Variants in SLC16A2 observed in about 807,000 individuals in gnomAD.
The protein encoded by SLC16A2 is solute carrier family 16 member 2.
Under a neutral mutation model 27.2 loss-of-function variants are expected in SLC16A2, and 3 were observed. That is an observed-to-expected ratio of 0.11 (90% confidence interval 0.05 to 0.28). The LOEUF (loss-of-function observed/expected upper bound fraction) is 0.28, where lower values mean the gene tolerates loss of function less well. Ranked by LOEUF, SLC16A2 falls within the 10% of genes least tolerant of loss-of-function variation. The probability of loss-of-function intolerance (pLI) is 1.00; values close to 1 mark genes in which losing one functional copy is unlikely to be tolerated. For missense variants in SLC16A2, 295 were observed against 458.5 expected (o/e 0.64, Z 3.26); for synonymous variants, 202 against 187.8 (o/e 1.08, Z -0.62).
chrX:74,529,444 G>A lies in SLC16A2; in HGVS notation c.1399+3G>A. 8.7e-7 allele frequency: 1 copy of A among 1,153,186 alleles called. No homozygotes were observed. Among genetic ancestry groups the A allele is most frequent in the Non-Finnish European group, 1.2e-6 (1 of 858,399 alleles). ...GATTGCTGGGCCCCCCATTGCAGGTGAGGCTGATATTCCAGGGAGGGCATG... is the reference window on the plus strand; with the variant it reads ...GATTGCTGGGCCCCCCATTGCAGGTAAGGCTGATATTCCAGGGAGGGCATG... On this transcript the variant is annotated splice_donor_region_variant and intron_variant, in intron 5 of 5. Coordinates refer to ENST00000587091, the MANE Select transcript of SLC16A2 (RefSeq NM_006517.5).
intron 1 of SLC16A2, among the ~76,000 whole-genome samples, chrX:74,500,512 A>T (rs1244203529): frequency 9.0e-6 from 1 of 111,365 alleles, no homozygotes; most frequent in Non-Finnish European, 1.9e-5. Context: ...CAAGCAGTAT[A>T]CACTGCACCA....
intron 1 of SLC16A2, among the ~76,000 whole-genome samples, chrX:74,478,472 G>C (rs1367974369): frequency 8.9e-6 from 1 of 111,801 alleles, no homozygotes; most frequent in African/African-American, 3.3e-5. Context: ...GGAGCATTTA[G>C]CCCATTTGCA....
intron 1 of SLC16A2, among the ~76,000 whole-genome samples, chrX:74,499,800 A>G (rs1419264407): frequency 2.7e-5 from 3 of 111,506 alleles, no homozygotes; most frequent in African/African-American, 6.5e-5. Flanking sequence ...TACTGGTATT[A>G]TCCAAAAAAC....
At chrX:74,506,684 C>G (rs747573127) in intron 1 of SLC16A2, among the ~76,000 whole-genome samples, 1 of 110,161 alleles carries the variant, frequency 9.1e-6, no homozygotes, top group African/African-American at 3.3e-5. Flanking sequence ...TCCCATGGAG[C>G]CCCAGGGGAG....
intron 1 of SLC16A2, among the ~76,000 whole-genome samples, chrX:74,462,666 C>A (rs901826606): frequency 9.0e-6 from 1 of 111,681 alleles, no homozygotes; most frequent in Non-Finnish European, 1.9e-5. Context: ...ACTGAGCCTT[C>A]TATGGATCTT....
At chrX:74,467,365 AGGT>A (rs1929271523) in intron 1 of SLC16A2, among the ~76,000 whole-genome samples, 3 of 111,496 alleles carry the variant, frequency 2.7e-5, no homozygotes, top group African/African-American at 9.8e-5. Context: ...AGAATATCCC[AGGT>A]TAGTATGTGC....
rs1239008406 is a variant in SLC16A2 at position 74,428,586 on chromosome X, C to T, written c.430+6519C>T. Among the ~76,000 whole-genome samples the T allele has an allele frequency of 2.7e-5, 3 of 111,198 alleles. No homozygotes were observed. The Admixed American group carries it at 2.9e-4, about 11-fold the overall frequency. On this transcript the variant is annotated intron_variant, in intron 1 of 5. Coordinates refer to ENST00000587091, the MANE Select transcript of SLC16A2 (RefSeq NM_006517.5). ...ATAGGCCCAACTCCTGCCAGAGTCA[C>T]AGGCCCACTCCTACACATCCTACAG...
intron 1 of SLC16A2, among the ~76,000 whole-genome samples, chrX:74,461,427 TGTGC>T (rs1481852060): frequency 1.8e-5 from 2 of 110,109 alleles, no homozygotes; most frequent in Non-Finnish European, 3.8e-5. Context: ...TGTGTGTGTG[TGTGC>T]ACGCGTGCAT....
intron 1 of SLC16A2, among the ~76,000 whole-genome samples, chrX:74,506,964 G>C (rs1025205232): frequency 6.9e-5 from 7 of 100,891 alleles, no homozygotes; most frequent in African/African-American, 2.7e-4. Context: ...GCAGGGTCTC[G>C]CTTTGTCACC....
At chrX:74,466,639 G>C (rs1384463666) in intron 1 of SLC16A2, among the ~76,000 whole-genome samples, 1 of 110,956 alleles carries the variant, frequency 9.0e-6, no homozygotes, top group Non-Finnish European at 1.9e-5. Context: ...AAACATTTTC[G>C]ATCTGCTGTT....
intron 1 of SLC16A2, among the ~76,000 whole-genome samples, chrX:74,453,505 C>T (rs184360986): frequency 3.6e-5 from 4 of 111,550 alleles, no homozygotes; most frequent in East Asian, 2.8e-4. Context: ...TTAAACCCCA[C>T]GTAGCTCTCT....
At chrX:74,449,840 G>C (rs1487644155) in intron 1 of SLC16A2, among the ~76,000 whole-genome samples, 2 of 111,674 alleles carry the variant, frequency 1.8e-5, no homozygotes, top group African/African-American at 6.5e-5. Flanking sequence ...TTTGGCAGCT[G>C]TTTTACTCTG....
chrX:74,528,835 C>T (rs1930523295), intron 4 of SLC16A2, among the ~76,000 whole-genome samples: 1 of 111,955 alleles, frequency 8.9e-6, no homozygotes, highest in African/African-American at 3.2e-5. Context: ...TCTGAGAACA[C>T]CGGTATGGCC....
intron 1 of SLC16A2, among the ~76,000 whole-genome samples, chrX:74,444,806 A>G (rs1384142395): frequency 1.8e-5 from 2 of 111,794 alleles, no homozygotes; most frequent in African/African-American, 3.3e-5. Context: ...CATATACACA[A>G]TAATGCAAAT....
At chrX:74,518,029 T>C (rs1244190942) in intron 1 of SLC16A2, among the ~76,000 whole-genome samples, 1 of 112,343 alleles carries the variant, frequency 8.9e-6, no homozygotes, top group South Asian at 3.7e-4. Context: ...CCAGTTGAAG[T>C]ACATTTGGGT....
chrX:74,475,836 C>T (rs1216178059), intron 1 of SLC16A2, among the ~76,000 whole-genome samples: 1 of 111,465 alleles, frequency 9.0e-6, no homozygotes, highest in East Asian at 2.8e-4. Context: ...TACCATTGGT[C>T]TATATCTCTG....
At chrX:74,429,312 A>T (rs940303603) in intron 1 of SLC16A2, among the ~76,000 whole-genome samples, 5 of 111,241 alleles carry the variant, frequency 4.5e-5, no homozygotes, top group East Asian at 2.8e-4. Context: ...TACAAAAAAA[A>T]TTTTTAAAAA....
intron 1 of SLC16A2, among the ~76,000 whole-genome samples, chrX:74,436,357 C>G (rs377492426): frequency 2.2e-4 from 25 of 111,839 alleles, no homozygotes; most frequent in African/African-American, 8.1e-4. Context: ...GTTGGTTTTA[C>G]TTTTAAAAAG....
intron 1 of SLC16A2, among the ~76,000 whole-genome samples, chrX:74,483,456 C>T (rs1929662621): frequency 8.9e-6 from 1 of 111,765 alleles, no homozygotes; most frequent in Non-Finnish European, 1.9e-5. Flanking sequence ...AACCATTCTG[C>T]AGCTGCTACT....
Sources: allele counts gnomAD v4.1 joint callset (sites outside exome capture counted in the v4.1 genomes callset), GRCh38; gene constraint gnomAD v4.1.1; transcripts MANE v1.5; gene names NCBI Gene and HGNC (gene_info 2026-07-23, HGNC 2026-07-21).